The following CTNNA2 variants were observed in gnomAD, a reference collection of about 807,000 sequenced individuals.
CTNNA2 encodes catenin alpha-2.
CTNNA2 carries 42 observed loss-of-function variants against 101.0 expected under a neutral mutation model. The ratio of observed to expected loss-of-function variants is 0.42; its 90% CI spans 0.32 to 0.54. The LOEUF is 0.54. Ranked by LOEUF, CTNNA2 falls within the 20% of genes least tolerant of loss-of-function variation. The pLI is 0.14. For synonymous variants in CTNNA2, 450 were observed against 456.4 expected (o/e 0.99, Z 0.18); for missense variants, 871 against 1,223.1 (o/e 0.71, Z 4.29).
intron 6 of CTNNA2, among the ~76,000 whole-genome samples, chr2:79,888,480 A>T (rs1352991843): frequency 6.6e-6 from 1 of 151,306 alleles, no homozygotes; most frequent in Non-Finnish European, 1.5e-5. Flanking sequence ...TTTACCTTTC[A>T]ATTTTTTTAC....
rs138935472 is a variant in CTNNA2 at position 80,550,792 on chromosome 2, C to A, written c.1540+4729C>A. On this transcript the variant is annotated intron_variant, in intron 11 of 18. Coordinates refer to ENST00000402739, the MANE Select transcript of CTNNA2 (RefSeq NM_001282597.3). ...TTTCTTCCTCCACTGAAGTCTTGAA[C>A]CCTTCAAAGTCGACTATGAGGGTTG... Among the ~76,000 whole-genome samples the A allele has an allele frequency of 1.3e-3, 176 of 139,920 alleles. 1 individual carries two copies. Among genetic ancestry groups the A allele is most frequent in the African/African-American group, 4.0e-3 (160 of 40,332 alleles). The allele number at this position is 139,920 out of a possible 152,430, so 91.8% of individuals were successfully genotyped here.
chr2:80,316,192 A>G (rs1386122498), intron 7 of CTNNA2, among the ~76,000 whole-genome samples: 1 of 152,212 alleles, frequency 6.6e-6, no homozygotes, highest in East Asian at 1.9e-4. Flanking sequence ...CACAGCGTGA[A>G]TAGCTAGAGA....
chr2:79,798,504 T>C (rs1341058696), intron 3 of CTNNA2, among the ~76,000 whole-genome samples: 2 of 151,624 alleles, frequency 1.3e-5, no homozygotes, highest in Non-Finnish European at 2.9e-5. Context: ...GAATAGGAGA[T>C]GAAGCACTGG....
intron 7 of CTNNA2, among the ~76,000 whole-genome samples, chr2:80,190,354 C>G (rs4852561): frequency 0.68 from 102,812 of 151,788 alleles, 35,734 homozygotes; most frequent in African/African-American, 0.84. Context: ...GTGGCAGTGG[C>G]CTGGGCAGGA....
At chr2:79,623,604 C>T (rs113531808) in intron 1 of CTNNA2, among the ~76,000 whole-genome samples, 344 of 152,136 alleles carry the variant, frequency 2.3e-3, no homozygotes, top group African/African-American at 7.9e-3. Context: ...ATGTGCTTTC[C>T]GGATTCCAAA....
intron 7 of CTNNA2, among the ~76,000 whole-genome samples, chr2:80,244,450 G>T (rs922921685): frequency 6.6e-6 from 1 of 152,204 alleles, no homozygotes; most frequent in Non-Finnish European, 1.5e-5. Flanking sequence ...GGGGAAGCCT[G>T]GTTCTAGTCA....
At chr2:79,507,062 TACCTC>T (rs1671428704) in intron 5 of CTNNA2, among the ~76,000 whole-genome samples, 1 of 152,190 alleles carries the variant, frequency 6.6e-6, no homozygotes, top group Non-Finnish European at 1.5e-5. Flanking sequence ...TGTTATTTCT[TACCTC>T]AGCATAACCT....
chr2:79,867,227 C>T (rs962977292), intron 4 of CTNNA2, among the ~76,000 whole-genome samples: 1 of 152,122 alleles, frequency 6.6e-6, no homozygotes, highest in African/African-American at 2.4e-5. Context: ...GTTCAAAATC[C>T]TTGACTGTTC....
intron 2 of CTNNA2, among the ~76,000 whole-genome samples, chr2:79,667,519 A>T (rs540733752): frequency 6.6e-6 from 1 of 152,292 alleles, no homozygotes; most frequent in Non-Finnish European, 1.5e-5. Context: ...AGTTTATTGA[A>T]TTGTTTTTAA....
intron 7 of CTNNA2, among the ~76,000 whole-genome samples, chr2:79,931,022 T>G (rs1166819172): frequency 1.3e-5 from 2 of 152,216 alleles, no homozygotes; most frequent in Non-Finnish European, 2.9e-5. Flanking sequence ...TATATGATTT[T>G]TTTTATATCT....
intron 6 of CTNNA2, among the ~76,000 whole-genome samples, chr2:79,881,503 G>A (rs772590255): frequency 1.5e-4 from 23 of 151,960 alleles, no homozygotes; most frequent in Non-Finnish European, 3.2e-4. Flanking sequence ...CTCTTGTATT[G>A]GGTGCATATA....
chr2:80,469,251 G>A (rs1685097633), intron 9 of CTNNA2, among the ~76,000 whole-genome samples: 1 of 152,114 alleles, frequency 6.6e-6, no homozygotes, highest in Non-Finnish European at 1.5e-5. Context: ...AAATATCATA[G>A]AAACAAATAC....
At chr2:79,593,036 T>C (rs937576405) in intron 1 of CTNNA2, among the ~76,000 whole-genome samples, 10 of 152,264 alleles carry the variant, frequency 6.6e-5, no homozygotes, top group African/African-American at 2.4e-4. Context: ...ATCGTCCATC[T>C]GTGGGCAAAG....
intron 4 of CTNNA2, among the ~76,000 whole-genome samples, chr2:79,440,383 T>C (rs1678764564): frequency 1.3e-5 from 2 of 152,186 alleles, no homozygotes; most frequent in African/African-American, 4.8e-5. Flanking sequence ...GGGTATTCTC[T>C]CTTGGCCATT....
At chr2:80,060,407 A>C (rs1031388450) in intron 7 of CTNNA2, among the ~76,000 whole-genome samples, 1 of 152,172 alleles carries the variant, frequency 6.6e-6, no homozygotes, top group Admixed American at 6.5e-5. Flanking sequence ...CAGAACCAAA[A>C]GATAATGGCA....
chr2:80,100,198 T>G (rs938724838), intron 7 of CTNNA2, among the ~76,000 whole-genome samples: 3 of 152,164 alleles, frequency 2.0e-5, no homozygotes, highest in Admixed American at 2.0e-4. Context: ...CCTCCCAAAG[T>G]GCTGGGATTA....
At position 80,151,181 on chromosome 2, in the gene CTNNA2, C is replaced by T. The variant is rs147489532; in HGVS notation, c.1056+241384C>T. ...CAGCTCAGAAGCCTATGTTTCCTTC[C>T]TGTTTGGTCTATTTATATTTCCCCT... On this transcript the variant is annotated intron_variant, in intron 7 of 18. Coordinates refer to ENST00000402739, the MANE Select transcript of CTNNA2 (RefSeq NM_001282597.3). Among the ~76,000 whole-genome samples the T allele has an allele frequency of 8.5e-5, 13 of 152,350 alleles. 1 individual carries two copies. In the East Asian group the frequency reaches 2.1e-3, roughly 25 times the overall value.
At chr2:80,063,582 A>G (rs1697760609) in intron 7 of CTNNA2, among the ~76,000 whole-genome samples, 1 of 152,264 alleles carries the variant, frequency 6.6e-6, no homozygotes, top group South Asian at 2.1e-4. Context: ...TACCTGATTA[A>G]CAGTATTTGC....
chr2:80,356,698 G>A (rs1673842555), intron 7 of CTNNA2, among the ~76,000 whole-genome samples: 1 of 152,138 alleles, frequency 6.6e-6, no homozygotes, highest in African/African-American at 2.4e-5. Context: ...CAGGATCATT[G>A]CAGCCATCAT....
Sources: allele counts gnomAD v4.1 joint callset (sites outside exome capture counted in the v4.1 genomes callset), GRCh38; gene constraint gnomAD v4.1.1; transcripts MANE v1.5; gene names NCBI Gene and HGNC (gene_info 2026-07-23, HGNC 2026-07-21).